Variants in CEP162 observed in about 807,000 individuals in gnomAD.
The protein encoded by CEP162 is centrosomal protein 162.
CEP162 carries 141 observed loss-of-function variants against 169.2 expected under a neutral mutation model. That is an observed-to-expected ratio of 0.83 (90% CI 0.73 to 0.96). The LOEUF is 0.96. CEP162 is among the 40% of genes least tolerant of loss of function. The pLI is 0.00. For missense variants in CEP162, 1,600 were observed against 1,587.2 expected (o/e 1.01, Z -0.14); for synonymous variants, 540 against 526.4 (o/e 1.03, Z -0.35).
intron 13 of CEP162, among the ~76,000 whole-genome samples, chr6:84,182,620 T>A (rs1383262016): frequency 6.6e-6 from 1 of 152,068 alleles, no homozygotes; most frequent in Non-Finnish European, 1.5e-5. Context: ...TTTCCTGGGT[T>A]GATGGTTTGG....
At chr6:84,224,706 A>G (rs1016230343) in intron 2 of CEP162, among the ~76,000 whole-genome samples, 7 of 152,122 alleles carry the variant, frequency 4.6e-5, no homozygotes, top group Non-Finnish European at 7.4e-5. Flanking sequence ...AAAATGACAC[A>G]TTGCAACTGA....
At chr6:84,136,642 C>A (rs1018705959) in intron 25 of CEP162, among the ~76,000 whole-genome samples, 1 of 152,074 alleles carries the variant, frequency 6.6e-6, no homozygotes, top group Non-Finnish European at 1.5e-5. Context: ...AGCAAGGACT[C>A]CAGATGTTTC....
chr6:84,131,896 G>A (rs1423331311), intron 25 of CEP162, among the ~76,000 whole-genome samples: 1 of 152,138 alleles, frequency 6.6e-6, no homozygotes, highest in East Asian at 1.9e-4. Context: ...GATGTTAGCT[G>A]GTTATTTTGC....
At chr6:84,126,607 A>G in intron 25 of CEP162, 95 bp from the exon 26 acceptor site, 1 of 909,624 alleles carries the variant, frequency 1.1e-6, no homozygotes, top group Non-Finnish European at 1.6e-6. Flanking sequence ...ATTTCTCTAT[A>G]TAAGTAAGAG....
At chr6:84,140,670 C>T (rs1358300863) in intron 25 of CEP162, among the ~76,000 whole-genome samples, 1 of 151,868 alleles carries the variant, frequency 6.6e-6, no homozygotes, top group East Asian at 1.9e-4. Context: ...GGACTACAGG[C>T]GCATGTTACT....
intron 25 of CEP162, among the ~76,000 whole-genome samples, chr6:84,130,673 A>G (rs2099510966): frequency 6.6e-6 from 1 of 152,102 alleles, no homozygotes; most frequent in Non-Finnish European, 1.5e-5. Flanking sequence ...CTCTCATGGT[A>G]GTGTGTATTT....
intron 21 of CEP162, among the ~76,000 whole-genome samples, chr6:84,157,723 G>A (rs1170437279): frequency 6.6e-6 from 1 of 152,062 alleles, no homozygotes; most frequent in East Asian, 1.9e-4. Flanking sequence ...GTCCTCTTGA[G>A]TACAAAGCTC....
chr6:84,167,556 G>C (rs930788554), intron 18 of CEP162, among the ~76,000 whole-genome samples: 1 of 152,114 alleles, frequency 6.6e-6, no homozygotes, highest in Non-Finnish European at 1.5e-5. Context: ...TCATCAGCTG[G>C]ATTTTATCTG....
At chr6:84,201,827 C>A in intron 7 of CEP162, 60 bp from the exon 8 acceptor site, 1 of 848,204 alleles carries the variant, frequency 1.2e-6, no homozygotes, top group Non-Finnish European at 1.9e-6. Flanking sequence ...AAAATTACCA[C>A]AATGCAAATA....
intron 3 of CEP162, among the ~76,000 whole-genome samples, chr6:84,220,254 G>A (rs2099553168): frequency 6.6e-6 from 1 of 152,164 alleles, no homozygotes; most frequent in African/African-American, 2.4e-5. Context: ...GCTTAACACT[G>A]ATCCACAAAT....
In CEP162 at chr6:84,215,442, G is replaced by A. The variant is rs1247379617; in HGVS notation, c.343C>T (p.His115Tyr). The change falls in exon 5 of 27, where the codon CAT (histidine) becomes TAT (tyrosine). Residue 115 changes from histidine (H) to tyrosine (Y), a missense_variant. By Grantham distance (83) the His-to-Tyr change is moderately conservative. Coordinates refer to ENST00000403245, the MANE Select transcript of CEP162 (RefSeq NM_014895.4). ...TNELVVSELN[H>Y]SSLGVGLDTL... is the part of the protein sequence containing the mutation. ...TCCAATCCCACTCCGAGACTACTAT[G>A]GTTGAGCTCAGAAACTACTAGTTCT... is the stretch of plus-strand genomic sequence containing the variant. 10 of 1,594,456 alleles carry A rather than the reference G, an allele frequency of 6.3e-6. No homozygotes were observed. Among genetic ancestry groups the A allele is most frequent in the Non-Finnish European group, 8.5e-6 (10 of 1,172,312 alleles).
chr6:84,186,560 G>A lies in CEP162; in HGVS notation c.1173C>T (p.Asn391=), dbSNP rs749225706. 1 of 1,612,396 alleles carries A rather than the reference G, an allele frequency of 6.2e-7. No individual in the cohort carries two copies. The highest frequency in any genetic ancestry group is 1.7e-5 in the Admixed American group (1 of 59,956). ...EFFSSLPLKM[N]PNILSQDSQH... is the part of the protein sequence containing the mutation. ...GTGAGTCTTGAGACAAAATATTTGG[G>A]TTCATCTTCAGGGGTAAAGAGCTAA... Residue 391 remains asparagine (N), a synonymous_variant, in exon 12 of 27, where the codon AAC becomes AAT. Coordinates refer to ENST00000403245, the MANE Select transcript of CEP162 (RefSeq NM_014895.4).
At chr6:84,151,613 T>C (rs1341190093) in intron 23 of CEP162, among the ~76,000 whole-genome samples, 4 of 152,092 alleles carry the variant, frequency 2.6e-5, no homozygotes, top group Non-Finnish European at 5.9e-5. Flanking sequence ...TGGGTAAGTT[T>C]AGCAACAGAG....
intron 12 of CEP162, 126 bp from the exon 13 acceptor site, chr6:84,185,574 C>T (rs934259933): frequency 3.4e-5 from 27 of 792,964 alleles, no homozygotes; most frequent in Non-Finnish European, 4.4e-5. Flanking sequence ...AGGCAAACTA[C>T]CATAGTTAAG....
Position 84,194,925 on chromosome 6 carries a change from T to C in CEP162, c.986A>G (p.Glu329Gly). The C allele has an allele frequency of 6.2e-7, 1 of 1,612,198 alleles. No homozygotes were observed. The highest frequency in any genetic ancestry group is 8.5e-7 in the Non-Finnish European group (1 of 1,179,480). ...IKSSVKGHPQ[E>G]NEENSKNIST... ...GATGTTTTTTGAATTCTCTTCATTT[T>C]CTTGAGGATGACCTTTCACTGAGCT... Residue 329 changes from glutamate to glycine, a missense_variant, in exon 10 of 27, where the codon GAA becomes GGA. Physicochemically the swap from Glu to Gly is moderately conservative, Grantham distance 98. Coordinates refer to ENST00000403245, the MANE Select transcript of CEP162 (RefSeq NM_014895.4).
intron 25 of CEP162, among the ~76,000 whole-genome samples, chr6:84,140,709 G>A (rs2129192969): frequency 6.6e-6 from 1 of 152,144 alleles, no homozygotes; most frequent in South Asian, 2.1e-4. Flanking sequence ...ATTTTTTATA[G>A]AGATGATGTC....
intron 10 of CEP162, 27 bp downstream of exon 10, chr6:84,194,857 T>C (rs754631903): frequency 6.8e-7 from 1 of 1,475,614 alleles, no homozygotes; most frequent in Admixed American, 1.9e-5. Context: ...TATCAAATAA[T>C]TGAAAAATTC....
At chr6:84,215,553 A>G in intron 4 of CEP162, 88 bp from the exon 5 acceptor site, 1 of 1,199,426 alleles carries the variant, frequency 8.3e-7, no homozygotes. Context: ...ATTATGTAGT[A>G]AATTTTAAAA....
In CEP162 at chr6:84,174,960, A is replaced by C; in HGVS notation, c.1798-6T>G. ...CCACAGTATCCTAAGGAATCCTTTC[A>C]AGACAAAGCATTACTTCATTACAGT... On this transcript the variant is annotated splice_polypyrimidine_tract_variant and splice_region_variant and intron_variant, in intron 14 of 26. Coordinates refer to ENST00000403245, the MANE Select transcript of CEP162 (RefSeq NM_014895.4). 1.9e-6 allele frequency: 3 copies of C among 1,550,054 alleles called. No homozygotes were observed. The highest frequency in any genetic ancestry group is 2.6e-6 in the Non-Finnish European group (3 of 1,132,114).
Sources: allele counts gnomAD v4.1 joint callset (sites outside exome capture counted in the v4.1 genomes callset), GRCh38; gene constraint gnomAD v4.1.1; transcripts MANE v1.5; gene names NCBI Gene and HGNC (gene_info 2026-07-23, HGNC 2026-07-21).